Variants in PCNX2 observed in about 807,000 individuals in gnomAD.
The protein encoded by PCNX2 is pecanex-like protein 2.
Under a neutral mutation model 223.8 loss-of-function variants are expected in PCNX2, and 168 were observed. The observed-to-expected ratio is 0.75, with a 90% CI of 0.66 to 0.85. The LOEUF is 0.85. Ranked by LOEUF, PCNX2 falls within the 40% of genes least tolerant of loss-of-function variation. The probability of loss-of-function intolerance (pLI) is 0.00; values close to 1 mark genes in which losing one functional copy is unlikely to be tolerated. For missense variants in PCNX2, 2,507 were observed against 2,675.5 expected, an observed-to-expected ratio of 0.94 and a Z score of 1.39; for synonymous variants, 1,006 against 1,052.6, an observed-to-expected ratio of 0.96 and a Z score of 0.86.
intron 23 of PCNX2, among the ~76,000 whole-genome samples, chr1:233,085,977 T>A (rs184104361): frequency 1.8e-4 from 28 of 152,274 alleles, no homozygotes; most frequent in Middle Eastern, 3.4e-3. Flanking sequence ...AGACAAAAAC[T>A]AAGGTTTATA....
rs944383338 is a variant in PCNX2, at chr1:233,019,311, C to T, written c.4606-2157G>A. On this transcript the variant is annotated intron_variant, in intron 26 of 33. Transcript: ENST00000258229. Reference sequence around the variant, plus strand: ...AAATGAGGAAGTGGAAAAATGAAATCTGCAGACAATAACTAGAATTCAGTA... The same window carrying T: ...AAATGAGGAAGTGGAAAAATGAAATTTGCAGACAATAACTAGAATTCAGTA... 8.9e-5 allele frequency: 53 copies of T among 593,180 alleles called. 1 individual carries two copies. In the African/African-American group the frequency reaches 1.0e-3, roughly 11 times the overall value. 36.7% of individuals were successfully genotyped at this position (593,180 alleles called of 1,614,324 possible).
At chr1:233,017,243 T>C in intron 26 of PCNX2, 89 bp from the exon 27 acceptor site, 2 of 941,444 alleles carry the variant, frequency 2.1e-6, no homozygotes, top group Non-Finnish European at 3.1e-6. Context: ...ATGAAATCCC[T>C]ACATGTGGTA....
At chr1:233,179,570 A>G (rs935561530) in intron 15 of PCNX2, among the ~76,000 whole-genome samples, 3 of 152,204 alleles carry the variant, frequency 2.0e-5, no homozygotes, top group Admixed American at 1.3e-4. Context: ...AAAATGTAAA[A>G]ATGACATAAG....
In PCNX2 at chr1:233,001,655, T is replaced by C. The variant is rs377750796; in HGVS notation, c.4979A>G (p.His1660Arg). 1.9e-5 allele frequency: 31 copies of C among 1,591,270 alleles called. No homozygotes were observed. The highest frequency in any genetic ancestry group is 2.7e-5 in the Non-Finnish European group (31 of 1,166,982). ...TCTGAAGTCACCTTTGAAGAGGACA[T>C]GGAGGCCATACAGGAAAGAATCCAG... ...ISLDSFLYGL[H>R]VLFKGDFRIT... The change falls in exon 29 of 34, where the codon CAT becomes CGT. Residue 1660 changes from histidine to arginine, a missense_variant. Transcript: ENST00000258229. This position sits in a 1 kb window ranked among gnomAD's most constrained non-coding sequence, Gnocchi z 4.2.
intron 25 of PCNX2, among the ~76,000 whole-genome samples, chr1:233,037,842 A>G (rs1378033981): frequency 6.6e-6 from 1 of 152,244 alleles, no homozygotes; most frequent in Non-Finnish European, 1.5e-5. Context: ...CCTGTCTGGC[A>G]AGCCAGATTT....
chr1:233,079,527 C>CA (rs1160625472), intron 23 of PCNX2, among the ~76,000 whole-genome samples: 15,123 of 69,068 alleles, frequency 0.22, 1,021 homozygotes, highest in East Asian at 0.3. Flanking sequence ...CACTCCGTCT[C>CA]AAAAAAAAAA....
At chr1:233,191,572 G>A (rs563661889) in intron 15 of PCNX2, among the ~76,000 whole-genome samples, 3 of 152,246 alleles carry the variant, frequency 2.0e-5, no homozygotes, top group South Asian at 4.2e-4. Flanking sequence ...CAAGTTACTC[G>A]TGCACAAGTC....
chr1:233,258,554 A>G lies in PCNX2; in HGVS notation c.1308T>C (p.Pro436=). Residue 436 remains proline (P), a synonymous_variant, in exon 5 of 34, where the codon CCT becomes CCC. Coordinates refer to ENST00000258229, the MANE Select transcript of PCNX2 (RefSeq NM_014801.4). Reference sequence around the variant, plus strand: ...AGGGAACACCTCCTCCCCCACCCTCAGGCAGGTCCAGGGTGATTACAGGAA... The same window carrying G: ...AGGGAACACCTCCTCCCCCACCCTCGGGCAGGTCCAGGGTGATTACAGGAA... ...ISIPVITLDL[P]EGGGGGVPCP... is the part of the protein sequence containing the mutation. 6.2e-7 allele frequency: 1 copy of G among 1,613,872 alleles called. No individual in the cohort carries two copies.
intron 15 of PCNX2, among the ~76,000 whole-genome samples, chr1:233,188,615 T>C (rs986067654): frequency 1.5e-4 from 22 of 151,260 alleles, no homozygotes; most frequent in African/African-American, 5.1e-4. Context: ...CTCTGCCTCC[T>C]GGGTTCAAGT....
At chr1:233,251,074 ACAAGTTTTGACTTGGT>A (rs1659424357) in intron 7 of PCNX2, among the ~76,000 whole-genome samples, 1 of 152,178 alleles carries the variant, frequency 6.6e-6, no homozygotes, top group Non-Finnish European at 1.5e-5. Flanking sequence ...ATATACTTAG[ACAAGTTTTGACTTGGT>A]TACTTATTAT....
At chr1:233,231,728 A>C in intron 9 of PCNX2, 130 of 911,108 alleles carry the variant, frequency 1.4e-4, no homozygotes, top group Non-Finnish European at 1.6e-4. Flanking sequence ...TATCAAACTC[A>C]GCACTGGGAA....
At chr1:233,122,107 C>T (rs865934392) in intron 21 of PCNX2, among the ~76,000 whole-genome samples, 1 of 116,118 alleles carries the variant, frequency 8.6e-6, no homozygotes, top group African/African-American at 2.9e-5. Flanking sequence ...CACACACACA[C>T]AGAGGGAGAG....
intron 25 of PCNX2, among the ~76,000 whole-genome samples, chr1:233,038,083 T>C (rs1226347137): frequency 3.3e-5 from 5 of 152,324 alleles, no homozygotes; most frequent in African/African-American, 1.2e-4. Flanking sequence ...AAATCAGTAT[T>C]CTTCTTTTAT....
intron 12 of PCNX2, chr1:233,211,797 C>G: frequency 1.0e-6 from 1 of 985,388 alleles, no homozygotes; most frequent in Non-Finnish European, 1.2e-6. Context: ...TCTTTAAACA[C>G]AGAATGTGAA....
intron 25 of PCNX2, among the ~76,000 whole-genome samples, chr1:233,029,127 C>T (rs914107196): frequency 8.5e-5 from 13 of 152,098 alleles, no homozygotes; most frequent in Admixed American, 7.9e-4. Flanking sequence ...TGTGAGCCAC[C>T]GTGCCTGGCC....
intron 24 of PCNX2, chr1:233,054,771 A>C (rs1164236413): frequency 4.9e-6 from 1 of 202,522 alleles, no homozygotes; most frequent in Non-Finnish European, 9.9e-6. Flanking sequence ...TGTTAAATAC[A>C]AATAAATATT....
chr1:233,032,955 T>C (rs1671321388), intron 25 of PCNX2: 1 of 977,964 alleles, frequency 1.0e-6, no homozygotes, highest in Non-Finnish European at 1.2e-6. Flanking sequence ...CCAGTAATTT[T>C]GGAAAATGCA....
intron 15 of PCNX2, among the ~76,000 whole-genome samples, chr1:233,197,396 A>G (rs1424800609): frequency 2.0e-5 from 3 of 152,164 alleles, no homozygotes; most frequent in Non-Finnish European, 4.4e-5. Flanking sequence ...AGATGTTCTC[A>G]GAAGTACAAG....
rs182160739 is a variant in PCNX2 at position 233,036,778 on chromosome 1, C to T, written c.4352-11379G>A. Among the ~76,000 whole-genome samples the T allele has an allele frequency of 5.7e-3, 861 of 152,174 alleles. 7 individuals are homozygous for T. The highest frequency in any genetic ancestry group is 9.2e-3 in the Non-Finnish European group (626 of 67,984). On this transcript the variant is annotated intron_variant, in intron 25 of 33. Transcript: ENST00000258229. ...AGTTGCAAACTTAAAATTTCTTACT[C>T]CAGTTTTAAATACTAGAATTTCTAA...
Sources: gnomAD v4.1 joint callset for allele counts (sites outside exome capture counted in the v4.1 genomes callset) on GRCh38, gnomAD v4.1.1 for gene constraint, Gnocchi (gnomAD v3.1) non-coding constraint, MANE v1.5 for transcripts, NCBI Gene and HGNC (gene_info 2026-07-23, HGNC 2026-07-21) for gene names.